The following DROSHA variants were observed in gnomAD, a reference collection of about 807,000 sequenced individuals.
DROSHA encodes drosha ribonuclease III.
A neutral mutation model predicts 181.9 loss-of-function variants in DROSHA; 56 were observed. That is an observed-to-expected ratio of 0.31 (90% confidence interval 0.25 to 0.38). DROSHA has a LOEUF of 0.38. DROSHA is among the 10% of genes least tolerant of loss of function. The pLI, the probability that DROSHA is intolerant of heterozygous loss-of-function variation, is 1.00. For synonymous variants in DROSHA, 524 were observed against 591.2 expected, an observed-to-expected ratio of 0.89 and a Z score of 1.65; for missense variants, 1,218 against 1,743.5, an observed-to-expected ratio of 0.70 and a Z score of 5.37.
intron 4 of DROSHA, among the ~76,000 whole-genome samples, chr5:31,528,118 G>T (rs1211497333): frequency 2.0e-5 from 3 of 152,124 alleles, no homozygotes; most frequent in African/African-American, 7.2e-5. Context: ...CTGCTAGGGG[G>T]CCTTTAACCG....
intron 28 of DROSHA, chr5:31,423,351 C>T (rs920151109): frequency 6.5e-6 from 1 of 154,436 alleles, no homozygotes; most frequent in Non-Finnish European, 1.4e-5. Flanking sequence ...TACTGATTTC[C>T]TATGTCTGGA....
At chr5:31,436,238 A>T (rs1052675470) in intron 24 of DROSHA, among the ~76,000 whole-genome samples, 1 of 152,166 alleles carries the variant, frequency 6.6e-6, no homozygotes, top group African/African-American at 2.4e-5. Flanking sequence ...TGGAGAGAGG[A>T]GTCCCTTCTC....
chr5:31,408,956 G>T, intron 33 of DROSHA, 100 bp downstream of exon 33: 2 of 1,132,278 alleles, frequency 1.8e-6, no homozygotes, highest in Non-Finnish European at 2.5e-6. Flanking sequence ...CTGGGCTCCT[G>T]TCATGATCAC....
intron 33 of DROSHA, 105 bp downstream of exon 33, chr5:31,408,951 C>A: frequency 1.9e-6 from 2 of 1,045,660 alleles, no homozygotes; most frequent in African/African-American, 1.6e-5. Flanking sequence ...CAATCCTGGG[C>A]TCCTGTCATG....
chr5:31,472,044 T>C lies in DROSHA; in HGVS notation c.2241+19A>G. 6.3e-7 allele frequency: 1 copy of C among 1,597,352 alleles called. No individual in the cohort carries two copies. Among genetic ancestry groups the C allele is most frequent in the East Asian group, 2.3e-5 (1 of 44,034 alleles). ...AAGAAGGTCCTCCAGCCTCTGAATA[T>C]ACAGACACCAGAACATACCGTCCCA... On this transcript the variant is annotated intron_variant, in intron 17 of 35. Coordinates refer to ENST00000344624, the MANE Select transcript of DROSHA (RefSeq NM_001382508.1).
At chr5:31,456,651 T>C (rs1350545749) in intron 20 of DROSHA, among the ~76,000 whole-genome samples, 1 of 152,182 alleles carries the variant, frequency 6.6e-6, no homozygotes. Flanking sequence ...ATGGATTTCA[T>C]AGTAACCACT....
At chr5:31,504,193 T>C (rs566705229) in intron 11 of DROSHA, among the ~76,000 whole-genome samples, 2 of 152,312 alleles carry the variant, frequency 1.3e-5, no homozygotes, top group South Asian at 4.1e-4. Flanking sequence ...AGAGAAGACA[T>C]GCACTTCAAA....
intron 25 of DROSHA, among the ~76,000 whole-genome samples, chr5:31,431,950 TTTCCAA>T (rs1398490164): frequency 6.6e-6 from 1 of 152,146 alleles, no homozygotes; most frequent in Non-Finnish European, 1.5e-5. Context: ...AGATCTGAAC[TTTCCAA>T]TTCCAAGTTC....
chr5:31,428,518 A>G (rs1203258286), intron 27 of DROSHA, among the ~76,000 whole-genome samples: 1 of 152,260 alleles, frequency 6.6e-6, no homozygotes, highest in Non-Finnish European at 1.5e-5. Context: ...ATCTGTAGAT[A>G]ATCTTCCCAT....
At chr5:31,424,395 A>G (rs1370639340) in intron 28 of DROSHA, 32 bp downstream of exon 28, 1 of 1,588,426 alleles carries the variant, frequency 6.3e-7, no homozygotes, top group African/African-American at 1.3e-5. Context: ...TGGAGTTATA[A>G]AGCTCACTGC....
At chr5:31,479,985 G>A (rs1294564837) in intron 16 of DROSHA, among the ~76,000 whole-genome samples, 1 of 151,292 alleles carries the variant, frequency 6.6e-6, no homozygotes, top group African/African-American at 2.4e-5. Context: ...CTCACCACTT[G>A]GCATTTATTT....
In DROSHA at chr5:31,421,912, T is replaced by G. The variant is rs2877189; in HGVS notation, c.3420-535A>C. On this transcript the variant is annotated intron_variant, in intron 29 of 35. Transcript: ENST00000344624. ...AAAAAAAAATATATATATATAAAAA[T>G]TAGCCGTGTGTGTGTGTGTGTATAT... 4 of 61,700 alleles carry G rather than the reference T, an allele frequency of 6.5e-5. No individual in the cohort carries two copies. In the Admixed American group the frequency reaches 6.5e-4, roughly 10 times the overall value. The allele number at this position is 61,700 out of a possible 1,614,324, so 3.8% of individuals were successfully genotyped here.
intron 26 of DROSHA, among the ~76,000 whole-genome samples, chr5:31,430,822 T>G (rs928192619): frequency 8.5e-5 from 13 of 152,332 alleles, no homozygotes; most frequent in Middle Eastern, 3.4e-3. Flanking sequence ...GAAGCTTTTA[T>G]ATTCATTTTC....
At chr5:31,513,569 T>A (rs1011148366) in intron 8 of DROSHA, among the ~76,000 whole-genome samples, 3 of 152,216 alleles carry the variant, frequency 2.0e-5, no homozygotes, top group Admixed American at 2.0e-4. Flanking sequence ...CTTAAAAGCC[T>A]GCTCTAATTT....
At chr5:31,436,381 C>G (rs1025232446) in intron 24 of DROSHA, among the ~76,000 whole-genome samples, 5 of 148,044 alleles carry the variant, frequency 3.4e-5, no homozygotes, top group African/African-American at 1.3e-4. Flanking sequence ...AAACACTTTC[C>G]TGCCCCTATT....
Position 31,481,381 on chromosome 5 carries a change from C to G in DROSHA, c.2071+2173G>C, listed in dbSNP as rs1462797448. Among the ~76,000 whole-genome samples the G allele has an allele frequency of 2.6e-5, 4 of 152,198 alleles. No homozygotes were observed. The East Asian group carries it at 7.7e-4, about 29-fold the overall frequency. On this transcript the variant is annotated intron_variant, in intron 16 of 35. Transcript: ENST00000344624. ...GAAATCTCACAAAGTAAATATCCAA[C>G]AGCAGATTTTTCTTTAAGGTGATTT...
chr5:31,523,979 A>C (rs1200518819), intron 5 of DROSHA, among the ~76,000 whole-genome samples: 3 of 52,090 alleles, frequency 5.8e-5, no homozygotes, highest in Non-Finnish European at 1.5e-4. Context: ...TTGTCTCCAA[A>C]AAAAAAAAAA....
chr5:31,486,596 A>G (rs114116875), intron 13 of DROSHA, 34 bp from the exon 14 acceptor site: 335 of 1,594,060 alleles, frequency 2.1e-4, no homozygotes, highest in Non-Finnish European at 2.7e-4. Flanking sequence ...CAGTTCCCCA[A>G]CGTCTCCCTG....
chr5:31,417,706 G>A lies in DROSHA; in HGVS notation c.3525+3566C>T, dbSNP rs189225094. On this transcript the variant is annotated intron_variant, in intron 30 of 35. Coordinates refer to ENST00000344624, the MANE Select transcript of DROSHA (RefSeq NM_001382508.1). ...TTGACAGAGAGGAGGTCTGACGACT[G>A]AGAACTGGGCCACTCCAATGTTAAG... Among the ~76,000 whole-genome samples the A allele has an allele frequency of 3.5e-4, 53 of 152,330 alleles. 1 individual carries two copies. The East Asian group carries it at 9.8e-3, about 28-fold the overall frequency.
Sources: gnomAD v4.1 joint callset for allele counts (sites outside exome capture counted in the v4.1 genomes callset) on GRCh38, gnomAD v4.1.1 for gene constraint, MANE v1.5 for transcripts, NCBI Gene and HGNC (gene_info 2026-07-23, HGNC 2026-07-21) for gene names.